Variants in DYNC1LI1 observed in about 807,000 individuals in gnomAD.
DYNC1LI1 encodes cytoplasmic dynein 1 light intermediate chain 1.
DYNC1LI1 carries 19 observed loss-of-function variants against 63.8 expected under a neutral mutation model. The ratio of observed to expected loss-of-function variants is 0.30; its 90% CI spans 0.21 to 0.44. The LOEUF (loss-of-function observed/expected upper bound fraction) is 0.44, where lower values mean the gene tolerates loss of function less well. Ranked by LOEUF, DYNC1LI1 falls within the 20% of genes least tolerant of loss-of-function variation. The pLI is 1.00. For missense variants in DYNC1LI1, 565 were observed against 630.2 expected, an observed-to-expected ratio of 0.90 and a Z score of 1.11; for synonymous variants, 225 against 232.3, an observed-to-expected ratio of 0.97 and a Z score of 0.28.
chr3:32,529,882 A>C (rs947181243), intron 10 of DYNC1LI1, among the ~76,000 whole-genome samples: 1 of 152,216 alleles, frequency 6.6e-6, no homozygotes, highest in African/African-American at 2.4e-5. Flanking sequence ...TCTCATAGAA[A>C]ATAAAGAACA....
At chr3:32,548,483 AG>A (rs1575155278) in intron 2 of DYNC1LI1, among the ~76,000 whole-genome samples, 1 of 152,322 alleles carries the variant, frequency 6.6e-6, no homozygotes, top group East Asian at 1.9e-4. Context: ...AAAACAAGCC[AG>A]GCACCGAAAA....
intron 2 of DYNC1LI1, among the ~76,000 whole-genome samples, chr3:32,567,425 G>T (rs1164593130): frequency 6.6e-6 from 1 of 152,132 alleles, no homozygotes; most frequent in East Asian, 1.9e-4. Context: ...ACTGCAATTT[G>T]TGTGTGTTGT....
chr3:32,539,337 T>A (rs919133720), intron 5 of DYNC1LI1, among the ~76,000 whole-genome samples: 2 of 152,180 alleles, frequency 1.3e-5, no homozygotes, highest in Admixed American at 1.3e-4. Context: ...TTAGATTTTT[T>A]AATCAATTTT....
chr3:32,540,771 G>A (rs1034940817), intron 5 of DYNC1LI1, among the ~76,000 whole-genome samples: 1 of 151,738 alleles, frequency 6.6e-6, no homozygotes, highest in African/African-American at 2.4e-5. Context: ...CTACTAAACT[G>A]ATTGATCATA....
At chr3:32,561,115 C>T (rs1407370143) in intron 2 of DYNC1LI1, among the ~76,000 whole-genome samples, 2 of 149,318 alleles carry the variant, frequency 1.3e-5, no homozygotes, top group Admixed American at 6.7e-5. Flanking sequence ...AAATGCTAAG[C>T]ACAGTGGTTG....
chr3:32,552,930 C>T lies in DYNC1LI1; in HGVS notation c.221-6965G>A, dbSNP rs557688341. Among the ~76,000 whole-genome samples, 10 of 152,162 alleles carry T rather than the reference C, an allele frequency of 6.6e-5. No homozygotes were observed. In the East Asian group the frequency reaches 1.9e-3, roughly 29 times the overall value. On this transcript the variant is annotated intron_variant, in intron 2 of 12. Coordinates refer to ENST00000273130, the MANE Select transcript of DYNC1LI1 (RefSeq NM_016141.4). The stretch of plus-strand genomic sequence containing the variant: ...CATGTTGGCCAGGATCTCTTGACCT[C>T]GTGATCTGCCTGCCTCGGCCTCCCA...
chr3:32,569,678 CAG>C (rs1420113755), intron 2 of DYNC1LI1, among the ~76,000 whole-genome samples: 1 of 152,126 alleles, frequency 6.6e-6, no homozygotes, highest in African/African-American at 2.4e-5. Flanking sequence ...ACTAAAGAAA[CAG>C]AATACACAAC....
intron 2 of DYNC1LI1, among the ~76,000 whole-genome samples, chr3:32,569,217 G>A (rs1421942023): frequency 2.0e-5 from 3 of 152,166 alleles, no homozygotes; most frequent in Admixed American, 1.3e-4. Context: ...ATAGGGCAGT[G>A]ACTCAATCCA....
intron 2 of DYNC1LI1, among the ~76,000 whole-genome samples, chr3:32,561,903 T>TA (rs989970875): frequency 2.6e-5 from 4 of 151,128 alleles, no homozygotes; most frequent in Admixed American, 6.6e-5. Context: ...TACATGACAT[T>TA]AAAAAAAAAT....
chr3:32,562,732 T>C (rs1212736413), intron 2 of DYNC1LI1, among the ~76,000 whole-genome samples: 3 of 152,204 alleles, frequency 2.0e-5, no homozygotes, highest in Non-Finnish European at 4.4e-5. Flanking sequence ...GAAAGTGTTT[T>C]AGACATAATT....
intron 2 of DYNC1LI1, among the ~76,000 whole-genome samples, chr3:32,553,218 C>G (rs1698068203): frequency 6.6e-6 from 1 of 152,016 alleles, no homozygotes. Flanking sequence ...ACCTGTGGTC[C>G]CAGCTACTCA....
chr3:32,562,230 T>C (rs1362968163), intron 2 of DYNC1LI1, among the ~76,000 whole-genome samples: 1 of 152,142 alleles, frequency 6.6e-6, no homozygotes, highest in African/African-American at 2.4e-5. Context: ...ACTACCGCAC[T>C]CCAGCCTGGG....
intron 5 of DYNC1LI1, among the ~76,000 whole-genome samples, chr3:32,539,268 G>A (rs1003054352): frequency 3.3e-5 from 5 of 152,182 alleles, no homozygotes; most frequent in Admixed American, 6.5e-5. Context: ...TTTAAGTGCC[G>A]TCACTCCATT....
intron 2 of DYNC1LI1, chr3:32,566,490 C>T (rs112280523): frequency 0.081 from 15,574 of 192,700 alleles, 721 homozygotes; most frequent in South Asian, 0.11. Context: ...GTGGCTCACG[C>T]GGCACTTTGG....
chr3:32,537,985 A>ATATATAAT (rs1697812405), intron 5 of DYNC1LI1, among the ~76,000 whole-genome samples: 1 of 33,728 alleles, frequency 3.0e-5, no homozygotes, highest in Non-Finnish European at 5.0e-5. Context: ...TATATATAAT[A>ATATATAAT]TATATATATA....
At chr3:32,569,279 T>A (rs571309804) in intron 2 of DYNC1LI1, among the ~76,000 whole-genome samples, 1 of 152,310 alleles carries the variant, frequency 6.6e-6, no homozygotes, top group East Asian at 1.9e-4. Context: ...GGGTAAAAAC[T>A]AATTTTTCAA....
intron 2 of DYNC1LI1, among the ~76,000 whole-genome samples, chr3:32,564,333 G>GCAAACAAACAAA (rs917403348): frequency 6.6e-6 from 1 of 152,012 alleles, no homozygotes; most frequent in African/African-American, 2.4e-5. Context: ...AAACAAACAA[G>GCAAACAAACAAA]CAAACAAACA....
At chr3:32,559,122 C>T (rs1004794895) in intron 2 of DYNC1LI1, among the ~76,000 whole-genome samples, 1 of 151,544 alleles carries the variant, frequency 6.6e-6, no homozygotes, top group Admixed American at 6.6e-5. Flanking sequence ...TTCTGGGCTC[C>T]AGCAATCCTC....
In DYNC1LI1 at chr3:32,570,823, A is replaced by AGGCGGT. The variant is rs1158425395; in HGVS notation, c.-59_-54dup. Reference sequence around the variant, plus strand: ...CAAGACTAAATGTGCGAGGCGGCTGAGGCGGTGGCGGTGGAGGCGGCGGGA... The same window carrying AGGCGGT: ...CAAGACTAAATGTGCGAGGCGGCTGAGGCGGTGGCGGTGGCGGTGGAGGCGGCGGGA... On this transcript the variant is annotated 5_prime_UTR_variant, in exon 1 of 13. Transcript: ENST00000273130. 40 of 1,531,574 alleles carry AGGCGGT rather than the reference A, an allele frequency of 2.6e-5. No individual in the cohort carries two copies. Among genetic ancestry groups the AGGCGGT allele is most frequent in the Admixed American group, 9.4e-5 (5 of 53,252 alleles). 94.9% of individuals were successfully genotyped at this position (1,531,574 alleles called of 1,614,324 possible). A position where few individuals can be genotyped will look rare whatever the true frequency, so the allele number is the denominator to read the frequency against.
Sources: allele counts gnomAD v4.1 joint callset (sites outside exome capture counted in the v4.1 genomes callset), GRCh38; gene constraint gnomAD v4.1.1; transcripts MANE v1.5; gene names NCBI Gene and HGNC (gene_info 2026-07-23, HGNC 2026-07-21).